The following CSTPP1 variants were observed in gnomAD, a reference collection of about 807,000 sequenced individuals.
The protein encoded by CSTPP1 is centriolar satellite-associated tubulin polyglutamylase complex regulator 1.
the CSTPP1 span, among the ~76,000 whole-genome samples, chr11:47,145,099 C>T: frequency 6.7e-6 from 1 of 148,772 alleles, no homozygotes; most frequent in African/African-American, 2.5e-5. Context: ...GCGATTCTCT[C>T]GCCTCAGCCT....
At chr11:47,147,544 C>A in the CSTPP1 span, among the ~76,000 whole-genome samples, 2 of 152,144 alleles carry the variant, frequency 1.3e-5, no homozygotes, top group Non-Finnish European at 2.9e-5. Flanking sequence ...AGGGAAGCAG[C>A]AGCACCCAGG....
the CSTPP1 span, among the ~76,000 whole-genome samples, chr11:47,085,831 G>A: frequency 6.6e-6 from 1 of 151,524 alleles, no homozygotes; most frequent in African/African-American, 2.4e-5. Context: ...CAGAGCCAAG[G>A]TCGCACCATT....
the CSTPP1 span, among the ~76,000 whole-genome samples, chr11:47,141,709 G>A: frequency 2.7e-4 from 41 of 152,120 alleles, no homozygotes; most frequent in East Asian, 4.4e-3. Flanking sequence ...TGAAGCAGGA[G>A]GATCATTTGA....
At chr11:47,063,171 A>T in the CSTPP1 span, among the ~76,000 whole-genome samples, 2 of 152,188 alleles carry the variant, frequency 1.3e-5, no homozygotes, top group Non-Finnish European at 1.5e-5. Flanking sequence ...ATCACATAAA[A>T]TTTTAGAATT....
chr11:47,160,911 G>A, the CSTPP1 span: 1 of 601,880 alleles, frequency 1.7e-6, no homozygotes, highest in South Asian at 2.0e-5. Flanking sequence ...CCCAGGCAGG[G>A]AAAGTAGGCA....
chr11:47,160,951 G>C, the CSTPP1 span: 1 of 747,054 alleles, frequency 1.3e-6, no homozygotes, highest in Non-Finnish European at 2.2e-6. Context: ...TCAAGCAACA[G>C]CGAGCACCTT....
chr11:47,013,226 T>A, the CSTPP1 span, among the ~76,000 whole-genome samples: 1 of 146,766 alleles, frequency 6.8e-6, no homozygotes, highest in Admixed American at 6.8e-5. Context: ...TATATATATT[T>A]ATTTATTTAT....
At chr11:47,013,627 A>G in the CSTPP1 span, among the ~76,000 whole-genome samples, 1 of 152,028 alleles carries the variant, frequency 6.6e-6, no homozygotes, top group East Asian at 1.9e-4. Context: ...TATGTACCAC[A>G]TTTTCTTTAT....
the CSTPP1 span, among the ~76,000 whole-genome samples, chr11:47,004,050 G>A: frequency 6.6e-6 from 1 of 151,960 alleles, no homozygotes; most frequent in Non-Finnish European, 1.5e-5. Context: ...GTATCTCTGT[G>A]GATCTGGATA....
the CSTPP1 span, chr11:47,155,290 C>G: frequency 5.8e-5 from 91 of 1,573,450 alleles, no homozygotes; most frequent in African/African-American, 6.8e-5. Context: ...CATCTGGCTC[C>G]GCACAGGACC....
chr11:46,940,979 G>A, the CSTPP1 span, among the ~76,000 whole-genome samples: 3 of 152,132 alleles, frequency 2.0e-5, no homozygotes, highest in East Asian at 1.9e-4. Flanking sequence ...CATAAATGGC[G>A]TTTTCAGGAA....
At chr11:47,140,068 G>T in the CSTPP1 span, among the ~76,000 whole-genome samples, 1 of 152,196 alleles carries the variant, frequency 6.6e-6, no homozygotes, top group South Asian at 2.1e-4. Flanking sequence ...CAGCCTCACG[G>T]TGGGGCACGG....
At chr11:46,959,363 A>C in the CSTPP1 span, among the ~76,000 whole-genome samples, 1 of 152,036 alleles carries the variant, frequency 6.6e-6, no homozygotes, top group Non-Finnish European at 1.5e-5. Flanking sequence ...GTTTTATGTA[A>C]TATTCCTGTT....
chr11:46,994,402 T>C, the CSTPP1 span, among the ~76,000 whole-genome samples: 8 of 152,200 alleles, frequency 5.3e-5, no homozygotes, highest in Admixed American at 1.3e-4. Context: ...CAGTATGATA[T>C]TGGCTGTGGG....
chr11:46,987,168 TTC>T, the CSTPP1 span: 1 of 1,585,784 alleles, frequency 6.3e-7, no homozygotes, highest in Non-Finnish European at 8.7e-7. Context: ...TTTAAAATCT[TTC>T]TCTCATTTTC....
At chr11:47,038,727 C>T in the CSTPP1 span, among the ~76,000 whole-genome samples, 7 of 124,354 alleles carry the variant, frequency 5.6e-5, 1 homozygote, top group South Asian at 2.6e-4. Flanking sequence ...CGGGCAGAGA[C>T]GCTCCTCACT....
chr11:47,048,611 G>A, the CSTPP1 span, among the ~76,000 whole-genome samples: 2 of 151,282 alleles, frequency 1.3e-5, no homozygotes, highest in Non-Finnish European at 2.9e-5. Context: ...CTTATATGAG[G>A]TACTTAGAAT....
the CSTPP1 span, among the ~76,000 whole-genome samples, chr11:47,058,120 G>A: frequency 6.6e-6 from 1 of 152,146 alleles, no homozygotes; most frequent in Non-Finnish European, 1.5e-5. Context: ...GATCACTTGA[G>A]CCCAGGAGTT....
chr11:47,138,956 G>A, the CSTPP1 span, among the ~76,000 whole-genome samples: 1 of 122,532 alleles, frequency 8.2e-6, no homozygotes, highest in African/African-American at 3.2e-5. Context: ...CTCCAGCCTG[G>A]GCGACAGAGC....
Sources: allele counts gnomAD v4.1 joint callset (sites outside exome capture counted in the v4.1 genomes callset), GRCh38; gene constraint gnomAD v4.1.1; transcripts MANE v1.5; gene names NCBI Gene and HGNC (gene_info 2026-07-23, HGNC 2026-07-21).